KCNMB2: variants seen among roughly 807,000 people sequenced by gnomAD.
KCNMB2 encodes the protein calcium-activated potassium channel subunit beta-2.
Under a neutral mutation model 24.5 loss-of-function variants are expected in KCNMB2, and 9 were observed. The observed-to-expected ratio is 0.37, with a 90% CI of 0.22 to 0.64. The LOEUF is 0.64. Ranked by LOEUF, KCNMB2 falls within the 30% of genes least tolerant of loss-of-function variation. KCNMB2 has a pLI of 0.63. For synonymous variants in KCNMB2, 109 were observed against 104.4 expected (o/e 1.04, Z -0.27); for missense variants, 226 against 284.3 (o/e 0.79, Z 1.47).
intron 4 of KCNMB2, among the ~76,000 whole-genome samples, chr3:178,828,756 A>G (rs1462213999): frequency 3.9e-5 from 6 of 152,172 alleles, no homozygotes; most frequent in East Asian, 3.9e-4. Flanking sequence ...CTGTTTGTCC[A>G]TGGTCAATGT....
chr3:178,810,837 C>T (rs1577205971), intron 2 of KCNMB2, among the ~76,000 whole-genome samples: 1 of 152,036 alleles, frequency 6.6e-6, no homozygotes, highest in South Asian at 2.1e-4. Context: ...CGGGTTCACA[C>T]CATTCTCCTG....
intron 1 of KCNMB2, among the ~76,000 whole-genome samples, chr3:178,741,208 T>C (rs1370527897): frequency 1.3e-5 from 2 of 152,156 alleles, no homozygotes; most frequent in Non-Finnish European, 2.9e-5. Flanking sequence ...TTACCATGCA[T>C]TGGAATGTGA....
chr3:178,643,988 T>C (rs888605863), intron 1 of KCNMB2, among the ~76,000 whole-genome samples: 2 of 152,192 alleles, frequency 1.3e-5, no homozygotes, highest in Non-Finnish European at 2.9e-5. Flanking sequence ...AGATATCCAA[T>C]CAACAGCCTT....
At chr3:178,592,324 G>A (rs572571354) in intron 1 of KCNMB2, among the ~76,000 whole-genome samples, 30 of 152,248 alleles carry the variant, frequency 2.0e-4, no homozygotes, top group African/African-American at 5.5e-4. Flanking sequence ...GGTGGAACGC[G>A]AAGGTAATAC....
intron 1 of KCNMB2, among the ~76,000 whole-genome samples, chr3:178,547,552 G>GTGTA (rs993884735): frequency 6.6e-6 from 1 of 152,166 alleles, no homozygotes; most frequent in African/African-American, 2.4e-5. Context: ...GTGTGTGTAT[G>GTGTA]TGTATGTATG....
At chr3:178,768,205 G>A (rs762107750) in intron 1 of KCNMB2, among the ~76,000 whole-genome samples, 19 of 152,192 alleles carry the variant, frequency 1.2e-4, no homozygotes, top group East Asian at 5.8e-4. Flanking sequence ...CCCCACTGCT[G>A]TGGCAGCATC....
intron 1 of KCNMB2, among the ~76,000 whole-genome samples, chr3:178,700,923 G>A (rs913219461): frequency 1.3e-5 from 2 of 152,162 alleles, no homozygotes; most frequent in African/African-American, 4.8e-5. Context: ...TCACTCTGAT[G>A]GTGGTTTCTT....
intron 1 of KCNMB2, among the ~76,000 whole-genome samples, chr3:178,675,189 A>G (rs995461947): frequency 6.6e-6 from 1 of 152,214 alleles, no homozygotes; most frequent in Non-Finnish European, 1.5e-5. Flanking sequence ...AACCTTTGTC[A>G]TGTCCTATTA....
intron 1 of KCNMB2, chr3:178,729,276 T>G (rs998321473): frequency 2.6e-5 from 4 of 152,182 alleles, no homozygotes; most frequent in Non-Finnish European, 5.9e-5. Context: ...TGTCTAGGTC[T>G]CATCAGCTTT....
chr3:178,628,067 G>T (rs1473170470), intron 1 of KCNMB2, among the ~76,000 whole-genome samples: 2 of 152,078 alleles, frequency 1.3e-5, no homozygotes, highest in Admixed American at 6.5e-5. Flanking sequence ...ATAAGATTTT[G>T]CTTCATATTT....
intron 1 of KCNMB2, among the ~76,000 whole-genome samples, chr3:178,635,405 GCATA>G (rs921950342): frequency 2.7e-5 from 3 of 110,308 alleles, no homozygotes; most frequent in Non-Finnish European, 5.6e-5. Flanking sequence ...AGGTGCTTAT[GCATA>G]CACACACACA....
chr3:178,562,667 G>T (rs16829756), intron 1 of KCNMB2, among the ~76,000 whole-genome samples: 28,071 of 152,196 alleles, frequency 0.18, 3,422 homozygotes, highest in African/African-American at 0.35. Flanking sequence ...GGTTAAAAAT[G>T]CATTGTAAGG....
chr3:178,699,491 G>C (rs575094609), intron 1 of KCNMB2, among the ~76,000 whole-genome samples: 15 of 152,308 alleles, frequency 9.8e-5, no homozygotes, highest in South Asian at 2.1e-4. Flanking sequence ...GAGGCCATAG[G>C]GGCTGGCTCA....
intron 1 of KCNMB2, among the ~76,000 whole-genome samples, chr3:178,799,911 G>C (rs1232702840): frequency 6.6e-6 from 1 of 152,104 alleles, no homozygotes; most frequent in Admixed American, 6.6e-5. Context: ...AAGGTAGCAA[G>C]AACATATATT....
chr3:178,807,238 G>A (rs1458578047), intron 1 of KCNMB2, 105 bp from the exon 2 acceptor site: 2 of 505,136 alleles, frequency 4.0e-6, no homozygotes, highest in East Asian at 3.2e-5. Flanking sequence ...ATGCAGCCGG[G>A]ATTGAAAACC....
Position 178,714,150 on chromosome 3 carries a change from C to T in KCNMB2, c.-67-93193C>T, listed in dbSNP as rs77801916. Among the ~76,000 whole-genome samples the T allele has an allele frequency of 1.5e-3, 228 of 152,248 alleles. 3 individuals carry two copies. The East Asian group carries it at 0.035, about 23-fold the overall frequency. On this transcript the variant is annotated intron_variant, in intron 1 of 4. Coordinates refer to ENST00000452583, the MANE Select transcript of KCNMB2 (RefSeq NM_181361.3). Reference sequence around the variant, plus strand: ...ATGCCTCTTCCTTCAGTCACACACACACACAGTGGAAATACCAGACACACT... The same window carrying T: ...ATGCCTCTTCCTTCAGTCACACACATACACAGTGGAAATACCAGACACACT...
intron 1 of KCNMB2, among the ~76,000 whole-genome samples, chr3:178,739,597 A>C (rs74385196): frequency 1.3e-5 from 2 of 152,194 alleles, no homozygotes; most frequent in African/African-American, 4.8e-5. Context: ...TTCAAGAGTG[A>C]TTGTTGAATA....
At chr3:178,596,929 T>C (rs1056092624) in intron 1 of KCNMB2, among the ~76,000 whole-genome samples, 1 of 152,114 alleles carries the variant, frequency 6.6e-6, no homozygotes, top group African/African-American at 2.4e-5. Flanking sequence ...ATCCAATCCA[T>C]TGTCTGCTTC....
rs577220078 is a variant in KCNMB2, at chr3:178,541,181, A to G, written c.-68+4470A>G. Among the ~76,000 whole-genome samples the G allele has an allele frequency of 1.4e-4, 22 of 152,128 alleles. 2 individuals carry two copies. The South Asian group carries it at 4.0e-3, about 27-fold the overall frequency. On this transcript the variant is annotated intron_variant, in intron 1 of 4. Coordinates refer to ENST00000452583, the MANE Select transcript of KCNMB2 (RefSeq NM_181361.3). ...TTTCCCCTGCCTGCACAGGAGGGGG[A>G]AAAAAAATCACATCACTGATTCCAA...
Sources: allele counts gnomAD v4.1 joint callset (sites outside exome capture counted in the v4.1 genomes callset), GRCh38; gene constraint gnomAD v4.1.1; transcripts MANE v1.5; gene names NCBI Gene and HGNC (gene_info 2026-07-23, HGNC 2026-07-21).